The following LILRB2 variants were observed in gnomAD, a reference collection of about 807,000 sequenced individuals.
The protein encoded by LILRB2 is leukocyte immunoglobulin-like receptor subfamily B member 2.
In LILRB2, 47 loss-of-function variants were observed where a neutral mutation model predicts 72.7. That is an observed-to-expected ratio of 0.65 (90% CI 0.51 to 0.82). LILRB2 has a LOEUF of 0.82. LILRB2 is among the 40% of genes least tolerant of loss of function. LILRB2 has a pLI of 0.00. For missense variants in LILRB2, 767 were observed against 764.8 expected, an observed-to-expected ratio of 1.00 and a Z score of -0.03; for synonymous variants, 279 against 313.7, an observed-to-expected ratio of 0.89 and a Z score of 1.17.
intron 3 of LILRB2, 89 bp from the exon 4 acceptor site, chr19:54,280,164 A>C: frequency 1.9e-6 from 3 of 1,610,012 alleles, no homozygotes; most frequent in Non-Finnish European, 2.5e-6. Context: ...TGCCCCCATC[A>C]GTCAGTCCAG....
rs140268965 is a variant in LILRB2 at position 54,275,815 on chromosome 19, G to A, written c.1647+136C>T. On this transcript the variant is annotated intron_variant, in intron 13 of 13. Coordinates refer to ENST00000314446, the MANE Select transcript of LILRB2 (RefSeq NM_001080978.4). Reference sequence around the variant, plus strand: ...AGGAGAGAGTGAGGTCACAGCAGGCGGGAGGCAGCGTGCTGGACAAGGAGG... The same window carrying A: ...AGGAGAGAGTGAGGTCACAGCAGGCAGGAGGCAGCGTGCTGGACAAGGAGG... The A allele has an allele frequency of 2.7e-3, 3,224 of 1,174,842 alleles. 8 individuals carry two copies. The highest frequency in any genetic ancestry group is 3.7e-3 in the Non-Finnish European group (2,915 of 784,284). The allele number at this position is 1,174,842 out of a possible 1,614,324, so 72.8% of individuals were successfully genotyped here.
chr19:54,279,595 T>TGTG lies in LILRB2; in HGVS notation c.407_408insCAC (p.Ser136_Gly137insThr). 1 of 1,614,106 alleles carries TGTG rather than the reference T, an allele frequency of 6.2e-7. No homozygotes were observed. The highest frequency in any genetic ancestry group is 2.2e-5 in the East Asian group (1 of 44,870). On this transcript the variant is annotated inframe_insertion, in exon 5 of 14. Transcript: ENST00000314446. ...CACACTGGAGGGTCACCCTTCCTCC[T>TGTG]GAGGTCACCACAGGGCTGGGCTGGG...
At chr19:54,274,861 G>T (rs201249901) in intron 13 of LILRB2, 32 bp from the exon 14 acceptor site, 43 of 1,609,800 alleles carry the variant, frequency 2.7e-5, no homozygotes, top group Non-Finnish European at 3.5e-5. Flanking sequence ...GGTAAGGAAC[G>T]TGGTGGGGGT....
At chr19:54,278,076 C>T (rs565144652) in intron 7 of LILRB2, 137 bp from the exon 8 acceptor site, 78 of 1,100,850 alleles carry the variant, frequency 7.1e-5, no homozygotes, top group East Asian at 1.8e-4. Flanking sequence ...ATGATGCTGG[C>T]GATGCCGCTG....
In LILRB2 at chr19:54,277,508, C is replaced by A. The variant is rs1427264610; in HGVS notation, c.1357+42G>T. 4.5e-6 allele frequency: 7 copies of A among 1,553,384 alleles called. No homozygotes were observed. The East Asian group carries it at 7.3e-5, about 16-fold the overall frequency. ...CTAGGACAGAACCCACCCCTGCCTC[C>A]CCGGGACCCCGCCCACCTCCCACTC... On this transcript the variant is annotated intron_variant, in intron 9 of 13. Transcript: ENST00000314446.
chr19:54,274,876 G>A, intron 13 of LILRB2, 47 bp from the exon 14 acceptor site: 3 of 1,564,422 alleles, frequency 1.9e-6, no homozygotes, highest in East Asian at 2.3e-5. Flanking sequence ...GGGGGTGGGG[G>A]AGGCCTGGGG....
chr19:54,275,996 G>A lies in LILRB2; in HGVS notation c.1602C>T (p.Ala534=), dbSNP rs373123561. 23 of 1,613,992 alleles carry A rather than the reference G, an allele frequency of 1.4e-5. No homozygotes were observed. In the East Asian group the frequency reaches 1.6e-4, roughly 11 times the overall value. The part of the protein sequence containing the change: ...ADAQEENLYA[A]VKDTQPEDGV... ...CATCTTCAGGCTGTGTGTCCTTCAC[G>A]GCAGCATCTGCTGGGGCAGAGCAAG... Residue 534 remains alanine, a synonymous_variant, in exon 13 of 14, where the codon GCC becomes GCT. Transcript: ENST00000314446.
At position 54,277,122 on chromosome 19, in the gene LILRB2, C is replaced by T. The variant is rs1601103304; in HGVS notation, c.1358-193G>A. Reference sequence around the variant, plus strand: ...GAGGGGAATCGCCTGCCCCGGGCCCCCAGCCAGGAAGCGGCAGAGCTGGGA... The same window carrying T: ...GAGGGGAATCGCCTGCCCCGGGCCCTCAGCCAGGAAGCGGCAGAGCTGGGA... On this transcript the variant is annotated intron_variant, in intron 9 of 13. Transcript: ENST00000314446. The T allele has an allele frequency of 2.0e-6, 3 of 1,503,408 alleles. No homozygotes were observed. The East Asian group carries it at 7.4e-5, about 37-fold the overall frequency. 93.1% of individuals were successfully genotyped at this position (1,503,408 alleles called of 1,614,324 possible). A position where few individuals can be genotyped will look rare whatever the true frequency, so the allele number is the denominator to read the frequency against.
rs767551546 is a variant in LILRB2, at chr19:54,280,118, C to T, written c.71-43G>A. Reference sequence around the variant, plus strand: ...GTCAGATTCGAAGTCATTTCCCACCCAACAGATCTCAGCTCTCAGCCCAGG... The same window carrying T: ...GTCAGATTCGAAGTCATTTCCCACCTAACAGATCTCAGCTCTCAGCCCAGG... On this transcript the variant is annotated intron_variant, in intron 3 of 13. Coordinates refer to ENST00000314446, the MANE Select transcript of LILRB2 (RefSeq NM_001080978.4). 1.1e-5 allele frequency: 18 copies of T among 1,610,380 alleles called. No homozygotes were observed. The Admixed American group carries it at 2.8e-4, about 25-fold the overall frequency.
intron 10 of LILRB2, 115 bp downstream of exon 10, chr19:54,276,692 G>T (rs1230829642): frequency 1.3e-6 from 2 of 1,521,050 alleles, no homozygotes; most frequent in Non-Finnish European, 8.9e-7. Context: ...TTCACCTGGT[G>T]AGAAATGCTG....
rs370166936 is a variant in LILRB2 at position 54,279,418 on chromosome 19, C to T, written c.585G>A (p.Arg195=). ...PVSPNRRWSH[R]CYGYDLNSPY... is the part of the protein sequence containing the mutation. ...GAGAGTTCAAGTCATAACCATAGCACCTGTGCGACCACCTGCGATTCGGGC... is the reference window on the plus strand; with the variant it reads ...GAGAGTTCAAGTCATAACCATAGCATCTGTGCGACCACCTGCGATTCGGGC... Residue 195 remains arginine, a synonymous_variant, in exon 5 of 14, where the codon AGG becomes AGA. Transcript: ENST00000314446. The T allele has an allele frequency of 1.9e-6, 3 of 1,614,016 alleles. No homozygotes were observed. The highest frequency in any genetic ancestry group is 2.5e-6 in the Non-Finnish European group (3 of 1,180,032).
In LILRB2 at chr19:54,275,953, G is replaced by A. The variant is rs371657709; in HGVS notation, c.1645C>T (p.Arg549Trp). The change falls in exon 13 of 14, where the codon CGG becomes TGG. Residue 549 changes from arginine (R) to tryptophan (W), a missense_variant and splice_region_variant. Physicochemically the swap from Arg to Trp is moderately radical, Grantham distance 101. Transcript: ENST00000314446. ...CTGGGACAGGGGCGGGGTCTCACCC[G>A]AGTGTCCATCTCCACCCCATCTTCA... is the stretch of plus-strand genomic sequence containing the variant. The part of the protein sequence containing the change: ...QPEDGVEMDT[R>W]AAASEAPQDV... 64 of 1,613,950 alleles carry A rather than the reference G, an allele frequency of 4.0e-5. No homozygotes were observed. The highest frequency in any genetic ancestry group is 5.2e-5 in the Non-Finnish European group (61 of 1,179,956).
rs1400667874 is a variant in LILRB2 at position 54,279,455 on chromosome 19, A to C, written c.548T>G (p.Val183Gly). ...CCTGCGATTCGGGCTCACGGGGCCC[A>C]CGGAGAAGATGGCGCGGGACGACCC... is the stretch of plus-strand genomic sequence containing the variant. ...ARGSSRAIFS[V>G]GPVSPNRRWS... is the part of the protein sequence containing the mutation. The change falls in exon 5 of 14, where the codon GTG becomes GGG. Residue 183 changes from valine to glycine, a missense_variant. Transcript: ENST00000314446. 6.2e-7 allele frequency: 1 copy of C among 1,614,224 alleles called. No individual in the cohort carries two copies. The highest frequency in any genetic ancestry group is 8.5e-7 in the Non-Finnish European group (1 of 1,180,034).
At chr19:54,276,197 C>G (rs1259788319) in intron 12 of LILRB2, 67 bp downstream of exon 12, 5 of 1,608,340 alleles carry the variant, frequency 3.1e-6, no homozygotes, top group Non-Finnish European at 8.5e-7. Context: ...TGCCCCTTTC[C>G]CCATTGCTAC....
rs778937500 is a variant in LILRB2, at chr19:54,274,720, G to C, written c.1757C>G (p.Ala586Gly). 7 of 1,613,844 alleles carry C rather than the reference G, an allele frequency of 4.3e-6. No individual in the cohort carries two copies. The highest frequency in any genetic ancestry group is 5.9e-6 in the Non-Finnish European group (7 of 1,180,040). The change falls in exon 14 of 14, where the codon GCT becomes GGT. Residue 586 changes from alanine to glycine, a missense_variant. Ala to Gly is a moderately conservative substitution (Grantham distance 60, BLOSUM62 0). Transcript: ENST00000314446. ...PPPSQEREPPAEPSIYATLAI... is the reference protein window; with the variant it reads ...PPPSQEREPPGEPSIYATLAI... Reference sequence around the variant, plus strand: ...CAGGGTGGCGTAGATGCTGGGCTCAGCTGGAGGTTCCCTTTCCTGGGATGG... The same window carrying C: ...CAGGGTGGCGTAGATGCTGGGCTCACCTGGAGGTTCCCTTTCCTGGGATGG...
Position 54,276,456 on chromosome 19 carries a change from G to A in LILRB2, c.1481C>T (p.Thr494Ile), listed in dbSNP as rs2147757935. 6.3e-7 allele frequency: 1 copy of A among 1,582,450 alleles called. No individual in the cohort carries two copies. Among genetic ancestry groups the A allele is most frequent in the Non-Finnish European group, 8.6e-7 (1 of 1,157,700 alleles). ...ATGTTGGAAATCAGCCTTTCTCTGG[G>A]CTGGGGGAAGAAGGACAGAGCCTCA... ...HRRQGKHWTS[T>I]QRKADFQHPA... is the part of the protein sequence containing the mutation. Residue 494 changes from threonine (T) to isoleucine (I), a missense_variant and splice_region_variant, in exon 11 of 14, where the codon ACC (threonine) becomes ATC (isoleucine). Transcript: ENST00000314446.
chr19:54,275,757 C>T (rs963647844), intron 13 of LILRB2, 194 bp downstream of exon 13: 3 of 775,462 alleles, frequency 3.9e-6, no homozygotes, highest in Non-Finnish European at 6.9e-6. Context: ...AGGAAGGGGA[C>T]CCGGGAGGAG....
chr19:54,276,094 T>C (rs879722385), intron 12 of LILRB2, 91 bp from the exon 13 acceptor site: 48 of 1,569,678 alleles, frequency 3.1e-5, no homozygotes, highest in Middle Eastern at 1.7e-4. Context: ...CAGATGGGGC[T>C]ACTGAGATGC....
chr19:54,276,926 A>G lies in LILRB2; in HGVS notation c.1361T>C (p.Leu454Pro), dbSNP rs1379509942. 6 of 1,613,264 alleles carry G rather than the reference A, an allele frequency of 3.7e-6. No individual in the cohort carries two copies. Among genetic ancestry groups the G allele is most frequent in the South Asian group, 1.1e-5 (1 of 91,022 alleles). ...TPTGSDPQSG[L>P]GRHLGVVIGI... ...GATCACAACCCCCAGGTGCCTTCCCAGACCTTGAGCACGATGATGTCAGGG... is the reference window on the plus strand; with the variant it reads ...GATCACAACCCCCAGGTGCCTTCCCGGACCTTGAGCACGATGATGTCAGGG... Residue 454 changes from leucine to proline, a missense_variant, in exon 10 of 14, where the codon CTG (leucine) becomes CCG (proline). By Grantham distance (98) the Leu-to-Pro change is moderately conservative (BLOSUM62 -3). Coordinates refer to ENST00000314446, the MANE Select transcript of LILRB2 (RefSeq NM_001080978.4).
Sources: allele counts gnomAD v4.1 joint callset, GRCh38; gene constraint gnomAD v4.1.1; transcripts MANE v1.5; gene names NCBI Gene and HGNC (gene_info 2026-07-23, HGNC 2026-07-21).